Variants in LRP2 observed in about 807,000 individuals in gnomAD.
The protein encoded by LRP2 is low-density lipoprotein receptor-related protein 2.
A neutral mutation model predicts 531.0 loss-of-function variants in LRP2; 172 were observed. The observed-to-expected ratio is 0.32, with a 90% confidence interval of 0.29 to 0.37. The LOEUF (loss-of-function observed/expected upper bound fraction) is 0.37. Among genes scored for constraint, LRP2 ranks in the 10% least tolerant of loss-of-function variants. LRP2 has a pLI of 1.00. For missense variants in LRP2, 5,167 were observed against 5,868.3 expected (o/e 0.88, Z 3.90); for synonymous variants, 1,992 against 2,027.6 (o/e 0.98, Z 0.47).
chr2:169,190,578 T>C (rs543881703), intron 48 of LRP2, among the ~76,000 whole-genome samples: 1 of 152,314 alleles, frequency 6.6e-6, no homozygotes, highest in East Asian at 1.9e-4. Context: ...ACTCTGCTTC[T>C]CTGATCTTGT....
intron 31 of LRP2, among the ~76,000 whole-genome samples, chr2:169,230,747 G>A (rs949223100): frequency 3.3e-5 from 5 of 152,162 alleles, no homozygotes; most frequent in Admixed American, 2.0e-4. Context: ...AATCTCTTTT[G>A]TGAACTGGAT....
At chr2:169,276,276 CTT>C (rs2105445263) in intron 13 of LRP2, among the ~76,000 whole-genome samples, 1 of 152,260 alleles carries the variant, frequency 6.6e-6, no homozygotes, top group South Asian at 2.1e-4. Flanking sequence ...GAGGCAATGA[CTT>C]TATGATTTCA....
At chr2:169,303,475 T>C (rs530657163) in intron 4 of LRP2, among the ~76,000 whole-genome samples, 4 of 152,102 alleles carry the variant, frequency 2.6e-5, no homozygotes, top group Non-Finnish European at 5.9e-5. Context: ...TGACTGGCAG[T>C]TCCCTTTCCC....
chr2:169,274,761 C>G (rs148717953), intron 14 of LRP2, among the ~76,000 whole-genome samples: 1,581 of 152,126 alleles, frequency 0.01, 31 homozygotes, highest in African/African-American at 0.036. Context: ...TGCTATACCC[C>G]CAAGCATCTT....
At chr2:169,147,964 C>T (rs577627319) in intron 68 of LRP2, among the ~76,000 whole-genome samples, 7 of 152,018 alleles carry the variant, frequency 4.6e-5, no homozygotes, top group African/African-American at 7.2e-5. Flanking sequence ...TCTTAAAGCT[C>T]TGTGTTGTCC....
intron 1 of LRP2, among the ~76,000 whole-genome samples, chr2:169,331,705 G>A (rs1294669328): frequency 6.6e-6 from 1 of 152,172 alleles, no homozygotes; most frequent in Admixed American, 6.5e-5. Context: ...AGGACCCAAT[G>A]AATCAAACTA....
rs1218895516 is a variant in LRP2, at chr2:169,175,225, G to A, written c.10736C>T (p.Pro3579Leu). Residue 3579 changes from proline (P) to leucine (L), a missense_variant, in exon 55 of 79, where the codon CCT becomes CTT. By Grantham distance (98) the Pro-to-Leu change is moderately conservative. Around this residue, in one of 6 missense-constraint regions of LRP2, gnomAD observed 311 missense variants for 309.4 expected, o/e 1.01. Transcript: ENST00000649046. ...QTLCNAHQNC[P>L]DGSDEDRLLC... ...AAGACGGTCTTCATCAGACCCATCA[G>A]GGCAATTTTGGTGAGCATTGCATAA... 1.2e-6 allele frequency: 2 copies of A among 1,614,170 alleles called. No individual in the cohort carries two copies. The highest frequency in any genetic ancestry group is 1.7e-6 in the Non-Finnish European group (2 of 1,180,030).
At chr2:169,350,793 TG>T (rs1156435222) in intron 1 of LRP2, among the ~76,000 whole-genome samples, 2 of 147,534 alleles carry the variant, frequency 1.4e-5, no homozygotes, top group African/African-American at 5.0e-5. Flanking sequence ...CAAGTGGCCC[TG>T]GGTCCTTTTC....
In LRP2 at chr2:169,168,543, C is replaced by T. The variant is rs1207619763; in HGVS notation, c.11631G>A (p.Leu3877=). ...CGDGSDEELH[L]CLDVPCNSPN... is the part of the protein sequence containing the mutation. ...CTCCGTTTCTCTCCCTCTTACAGCA[C>T]AGGTGAAGTTCTTCATCTGAACCAT... The change falls in exon 61 of 79, where the codon CTG becomes CTA. Residue 3877 remains leucine (L), a synonymous_variant. Transcript: ENST00000649046. 3 of 1,614,126 alleles carry T rather than the reference C, an allele frequency of 1.9e-6. No homozygotes were observed. Among genetic ancestry groups the T allele is most frequent in the Non-Finnish European group, 2.5e-6 (3 of 1,179,986 alleles).
In LRP2 at chr2:169,194,539, A is replaced by G. The variant is rs557478238; in HGVS notation, c.8699-647T>C. Among the ~76,000 whole-genome samples, 3 of 152,274 alleles carry G rather than the reference A, an allele frequency of 2.0e-5. No homozygotes were observed. In the South Asian group the frequency reaches 6.2e-4, roughly 32 times the overall value. ...TCAGATGCTCTAACCCTAACCCCAC[A>G]TGTTCCTATTTAACTAATGAAGGTG... is the stretch of plus-strand genomic sequence containing the variant. On this transcript the variant is annotated intron_variant, in intron 46 of 78. Transcript: ENST00000649046.
intron 15 of LRP2, among the ~76,000 whole-genome samples, chr2:169,271,474 T>C (rs1276694532): frequency 1.3e-5 from 2 of 152,036 alleles, no homozygotes; most frequent in Non-Finnish European, 2.9e-5. Flanking sequence ...GTAACAAACC[T>C]GCACATTGTG....
intron 24 of LRP2, among the ~76,000 whole-genome samples, chr2:169,242,405 T>C (rs1426220101): frequency 6.6e-6 from 1 of 152,250 alleles, no homozygotes; most frequent in African/African-American, 2.4e-5. Flanking sequence ...TGAACCTCCA[T>C]AGAATTTTAT....
chr2:169,201,582 A>T, intron 44 of LRP2, 46 bp downstream of exon 44: 1 of 1,613,496 alleles, frequency 6.2e-7, no homozygotes. Flanking sequence ...CCTGTGATCC[A>T]AGACTTCAGA....
intron 31 of LRP2, 69 bp from the exon 32 acceptor site, chr2:169,226,657 G>T: frequency 8.6e-7 from 1 of 1,160,994 alleles, no homozygotes; most frequent in Non-Finnish European, 1.3e-6. Flanking sequence ...GTAATGGAAG[G>T]CAATAGCCTG....
chr2:169,283,231 A>T (rs1459342630), intron 9 of LRP2, among the ~76,000 whole-genome samples: 1 of 152,192 alleles, frequency 6.6e-6, no homozygotes, highest in Non-Finnish European at 1.5e-5. Flanking sequence ...TTTACAGAAA[A>T]TGCACAACAC....
intron 35 of LRP2, 69 bp from the exon 36 acceptor site, chr2:169,213,939 A>G: frequency 1.0e-6 from 1 of 988,692 alleles, no homozygotes; most frequent in Non-Finnish European, 1.6e-6. Context: ...AAACACTAAT[A>G]TTCTCCTAAT....
chr2:169,308,448 C>A (rs1167225782), intron 3 of LRP2, among the ~76,000 whole-genome samples: 1 of 152,130 alleles, frequency 6.6e-6, no homozygotes, highest in Non-Finnish European at 1.5e-5. Context: ...GTTCAATTCC[C>A]ACCTATGAGT....
chr2:169,273,844 G>A (rs1683484562), intron 14 of LRP2, among the ~76,000 whole-genome samples: 2 of 152,190 alleles, frequency 1.3e-5, no homozygotes, highest in African/African-American at 4.8e-5. Context: ...AGTAATTTGA[G>A]TGATCACATT....
chr2:169,242,367 C>T (rs1434261407), intron 24 of LRP2, among the ~76,000 whole-genome samples: 1 of 152,170 alleles, frequency 6.6e-6, no homozygotes, highest in Non-Finnish European at 1.5e-5. Context: ...CTACTTGAAT[C>T]CTCCAACTAG....
Sources: allele counts gnomAD v4.1 joint callset (sites outside exome capture counted in the v4.1 genomes callset), GRCh38; gene constraint gnomAD v4.1.1; regional missense constraint gnomAD v4.1.1; transcripts MANE v1.5; gene names NCBI Gene and HGNC (gene_info 2026-07-23, HGNC 2026-07-21).